TYW1B: variants seen among roughly 807,000 people sequenced by gnomAD.
TYW1B encodes S-adenosyl-L-methionine-dependent tRNA 4-demethylwyosine synthase TYW1B.
Under a neutral mutation model 86.9 loss-of-function variants are expected in TYW1B, and 73 were observed. That is an observed-to-expected ratio of 0.84 (90% CI 0.70 to 1.02). The LOEUF (loss-of-function observed/expected upper bound fraction) is 1.02, where lower values mean the gene tolerates loss of function less well. TYW1B is among the 50% of genes least tolerant of loss of function. TYW1B has a pLI of 0.00. For missense variants in TYW1B, 637 were observed against 827.4 expected (o/e 0.77, Z 2.82); for synonymous variants, 248 against 292.8 (o/e 0.85, Z 1.56).
At chr7:72,624,958 C>A (rs1189385471) in intron 12 of TYW1B, among the ~76,000 whole-genome samples, 1 of 151,326 alleles carries the variant, frequency 6.6e-6, no homozygotes, top group Admixed American at 6.6e-5. Flanking sequence ...ATTTGGGTGG[C>A]GGAGGCATGA....
At chr7:72,744,448 C>T (rs1787358283) in intron 8 of TYW1B, 36 bp downstream of exon 8, 2 of 1,579,512 alleles carry the variant, frequency 1.3e-6, no homozygotes, top group African/African-American at 1.3e-5. Context: ...CAGCTCATTA[C>T]ATATTCGATC....
intron 13 of TYW1B, among the ~76,000 whole-genome samples, chr7:72,597,977 A>G (rs1554432953): frequency 6.6e-6 from 1 of 152,212 alleles, no homozygotes; most frequent in East Asian, 1.9e-4. Context: ...GAAAAAGAAC[A>G]GATTAATCTC....
intron 6 of TYW1B, among the ~76,000 whole-genome samples, chr7:72,778,564 C>T (rs1787996955): frequency 6.6e-6 from 1 of 152,192 alleles, no homozygotes; most frequent in Admixed American, 6.5e-5. Context: ...ATTCTCATGC[C>T]TCAGCCTCCC....
intron 11 of TYW1B, among the ~76,000 whole-genome samples, chr7:72,637,191 G>T (rs1270045440): frequency 1.3e-4 from 20 of 152,220 alleles, no homozygotes; most frequent in Middle Eastern, 3.4e-3. Flanking sequence ...TGGAATAGTT[G>T]TGTAGGGTTG....
chr7:72,786,795 G>A (rs1318232731), intron 6 of TYW1B, among the ~76,000 whole-genome samples: 7 of 151,860 alleles, frequency 4.6e-5, no homozygotes, highest in African/African-American at 9.7e-5. Flanking sequence ...GGCTGGTCTC[G>A]AACTCCTGAG....
intron 9 of TYW1B, among the ~76,000 whole-genome samples, chr7:72,727,592 G>A (rs555558168): frequency 4.8e-4 from 73 of 152,118 alleles, no homozygotes; most frequent in Non-Finnish European, 7.8e-4. Context: ...CAAAGCAGGC[G>A]GATGGCTTGA....
chr7:72,672,030 C>A (rs781958057), intron 11 of TYW1B, among the ~76,000 whole-genome samples: 2 of 138,652 alleles, frequency 1.4e-5, no homozygotes, highest in African/African-American at 2.7e-5. Flanking sequence ...TGTGGGGGGA[C>A]CTGGTAGGAG....
chr7:72,797,147 T>C (rs559323901), intron 6 of TYW1B, among the ~76,000 whole-genome samples: 1 of 152,244 alleles, frequency 6.6e-6, no homozygotes, highest in South Asian at 2.1e-4. Flanking sequence ...GGTACACAGC[T>C]TCAAAAAACC....
chr7:72,798,001 T>TTA (rs1159796273), intron 6 of TYW1B, among the ~76,000 whole-genome samples: 5,955 of 79,224 alleles, frequency 0.075, 251 homozygotes, highest in African/African-American at 0.15. Flanking sequence ...AAAATACTAT[T>TTA]TATATATATA....
At chr7:72,597,589 G>C (rs186645676) in intron 13 of TYW1B, among the ~76,000 whole-genome samples, 21,942 of 150,782 alleles carry the variant, frequency 0.15, 1,550 homozygotes, top group East Asian at 0.52. Flanking sequence ...GAACGCACCC[G>C]ATCTCGGCTG....
chr7:72,733,730 C>T (rs1317690392), intron 8 of TYW1B, among the ~76,000 whole-genome samples: 1 of 152,024 alleles, frequency 6.6e-6, no homozygotes, highest in Non-Finnish European at 1.5e-5. Context: ...AGCACACACA[C>T]AAAAATGGAA....
intron 12 of TYW1B, among the ~76,000 whole-genome samples, chr7:72,626,097 T>C (rs2129568635): frequency 6.6e-6 from 1 of 151,812 alleles, no homozygotes; most frequent in South Asian, 2.1e-4. Context: ...TTTGTATCTT[T>C]GCATCATTAG....
intron 8 of TYW1B, among the ~76,000 whole-genome samples, chr7:72,732,163 A>T (rs571821637): frequency 6.6e-6 from 1 of 152,314 alleles, no homozygotes; most frequent in African/African-American, 2.4e-5. Flanking sequence ...AATGGGAAAG[A>T]TAGACTCTAC....
At position 72,694,841 on chromosome 7, in the gene TYW1B, T is replaced by G; in HGVS notation, c.1371-19A>C. Reference sequence around the variant, plus strand: ...GAGGTTCCTTAGTAATTTTTTTTTTTAAAGGAAGAAAGAAAAATTATTCCT... The same window carrying G: ...GAGGTTCCTTAGTAATTTTTTTTTTGAAAGGAAGAAAGAAAAATTATTCCT... On this transcript the variant is annotated intron_variant, in intron 10 of 13. Coordinates refer to ENST00000620995, the MANE Select transcript of TYW1B (RefSeq NM_001145440.3). 6.3e-7 allele frequency: 1 copy of G among 1,577,812 alleles called. No individual in the cohort carries two copies.
intron 6 of TYW1B, among the ~76,000 whole-genome samples, chr7:72,791,775 T>C (rs533714649): frequency 1.4e-4 from 21 of 151,894 alleles, no homozygotes; most frequent in East Asian, 5.9e-4. Context: ...GACTCCGTCT[T>C]AAACAAACAA....
intron 2 of TYW1B, among the ~76,000 whole-genome samples, chr7:72,820,166 T>C (rs1325618959): frequency 6.6e-6 from 1 of 151,962 alleles, no homozygotes; most frequent in Non-Finnish European, 1.5e-5. Flanking sequence ...TCCCAGCTAC[T>C]CGGGAGGCTG....
chr7:72,739,431 C>G (rs1787260510), intron 8 of TYW1B, among the ~76,000 whole-genome samples: 1 of 151,930 alleles, frequency 6.6e-6, no homozygotes, highest in Admixed American at 6.6e-5. Flanking sequence ...TGGTGAAACC[C>G]TGTCTCTGGT....
At chr7:72,636,409 A>G (rs1332657599) in intron 11 of TYW1B, among the ~76,000 whole-genome samples, 1 of 152,210 alleles carries the variant, frequency 6.6e-6, no homozygotes, top group Non-Finnish European at 1.5e-5. Context: ...TTCCTTTCCA[A>G]TCATAACTTT....
intron 6 of TYW1B, among the ~76,000 whole-genome samples, chr7:72,790,483 G>T (rs1217455939): frequency 1.3e-5 from 2 of 152,164 alleles, no homozygotes; most frequent in Non-Finnish European, 2.9e-5. Context: ...GTCACCAGCT[G>T]CTGGTCTGCC....
Sources: gnomAD v4.1 joint callset for allele counts (sites outside exome capture counted in the v4.1 genomes callset) on GRCh38, gnomAD v4.1.1 for gene constraint, MANE v1.5 for transcripts, NCBI Gene and HGNC (gene_info 2026-07-23, HGNC 2026-07-21) for gene names.